The following CDH18 variants were observed in gnomAD, a reference collection of about 807,000 sequenced individuals.
CDH18 encodes cadherin-18.
Under a neutral mutation model 67.9 loss-of-function variants are expected in CDH18, and 31 were observed. The observed-to-expected ratio is 0.46, with a 90% confidence interval of 0.34 to 0.62. The LOEUF (loss-of-function observed/expected upper bound fraction) is 0.62, where lower values mean the gene tolerates loss of function less well. Ranked by LOEUF, CDH18 falls within the 20% of genes least tolerant of loss-of-function variation. The pLI is 0.01. For synonymous variants in CDH18, 362 were observed against 347.2 expected, an observed-to-expected ratio of 1.04 and a Z score of -0.48; for missense variants, 890 against 975.5, an observed-to-expected ratio of 0.91 and a Z score of 1.17.
Position 19,581,985 on chromosome 5 carries a change from AG to A in CDH18, c.999+9071del, listed in dbSNP as rs562781746. 5.9e-5 allele frequency among the ~76,000 whole-genome samples: 9 copies of A among 152,210 alleles called. No homozygotes were observed. The South Asian group carries it at 1.9e-3, about 32-fold the overall frequency. On this transcript the variant is annotated intron_variant, in intron 7 of 12. Coordinates refer to ENST00000382275, the MANE Select transcript of CDH18 (RefSeq NM_004934.5). ...TCATATATTTCTCTATACAGAAGAA[AG>A]TAATTCTTATTCATTGTGTATAATT...
In CDH18 at chr5:20,482,965, C is replaced by T. The variant is rs771245606; in HGVS notation, c.-580+92497G>A. ...GACAAGAGAAAAAAATAAATAGTAT[C>T]CAATTTGGAAAGAAAGGAGTCAAAT... On this transcript the variant is annotated intron_variant, in intron 1 of 14. Coordinates refer to the CDH18 transcript ENST00000507958. Among the ~76,000 whole-genome samples, 14 of 151,866 alleles carry T rather than the reference C, an allele frequency of 9.2e-5. 1 individual carries two copies. Among genetic ancestry groups the T allele is most frequent in the Non-Finnish European group, 2.9e-5 (2 of 67,924 alleles).
chr5:19,517,217 A>T (rs1012531935), intron 10 of CDH18, among the ~76,000 whole-genome samples: 1 of 152,120 alleles, frequency 6.6e-6, no homozygotes, highest in African/African-American at 2.4e-5. Flanking sequence ...AATAGAAATA[A>T]TTTTTAAAAA....
chr5:19,757,213 G>C (rs957972289), intron 3 of CDH18, among the ~76,000 whole-genome samples: 1 of 152,186 alleles, frequency 6.6e-6, no homozygotes, highest in Non-Finnish European at 1.5e-5. Flanking sequence ...GGTAGTCTTG[G>C]CAAAAGCATT....
intron 1 of CDH18, among the ~76,000 whole-genome samples, chr5:20,497,764 A>G (rs1753997649): frequency 6.6e-6 from 1 of 152,180 alleles, no homozygotes. Flanking sequence ...TTGTCTGTCA[A>G]AAAGAGAGTT....
intron 1 of CDH18, among the ~76,000 whole-genome samples, chr5:20,269,232 A>T (rs1036945685): frequency 6.6e-6 from 1 of 151,718 alleles, no homozygotes; most frequent in Non-Finnish European, 1.5e-5. Flanking sequence ...CAAAAACCAG[A>T]TAGTGGTGAA....
chr5:20,442,938 G>A (rs981089418), intron 1 of CDH18, among the ~76,000 whole-genome samples: 4 of 151,614 alleles, frequency 2.6e-5, no homozygotes, highest in African/African-American at 4.9e-5. Context: ...GGCCGGGCGC[G>A]GTGGCTCACG....
intron 2 of CDH18, among the ~76,000 whole-genome samples, chr5:20,177,481 C>G (rs529583082): frequency 1.3e-5 from 2 of 152,164 alleles, no homozygotes; most frequent in East Asian, 3.9e-4. Context: ...ATATTTATAG[C>G]TATTCTTTTT....
chr5:20,311,557 A>G (rs544140201), intron 1 of CDH18, among the ~76,000 whole-genome samples: 1 of 152,252 alleles, frequency 6.6e-6, no homozygotes, highest in East Asian at 1.9e-4. Flanking sequence ...AGAAAACGAA[A>G]AACCACATGT....
intron 8 of CDH18, among the ~76,000 whole-genome samples, chr5:19,546,108 T>A (rs1020701095): frequency 1.3e-5 from 2 of 151,696 alleles, no homozygotes. Context: ...TGTTAGGAGG[T>A]TGATTGAGGT....
At chr5:19,801,595 A>G (rs993816910) in intron 3 of CDH18, among the ~76,000 whole-genome samples, 13 of 152,232 alleles carry the variant, frequency 8.5e-5, no homozygotes, top group African/African-American at 3.1e-4. Context: ...CATCCAAACA[A>G]GGTTGAAAAC....
chr5:20,368,048 G>A (rs1196290891), intron 1 of CDH18, among the ~76,000 whole-genome samples: 2 of 152,066 alleles, frequency 1.3e-5, no homozygotes, highest in Admixed American at 1.3e-4. Flanking sequence ...TGCAAAAAAA[G>A]GATTGAGAAT....
chr5:20,493,481 T>C lies in CDH18; in HGVS notation c.-580+81981A>G, dbSNP rs549696655. On this transcript the variant is annotated intron_variant, in intron 1 of 14. Transcript: ENST00000507958. ...AATGAGAACAAGCACAGGCTATTTA[T>C]TCAGAGCTTGCTATAGGAAGGGAGT... Among the ~76,000 whole-genome samples the C allele has an allele frequency of 4.6e-5, 7 of 151,772 alleles. 1 individual carries two copies. Among genetic ancestry groups the C allele is most frequent in the South Asian group, 4.2e-4 (2 of 4,816 alleles).
Position 19,838,819 on chromosome 5 carries a change from T to C in CDH18, c.168A>G (p.Val56=), listed in dbSNP as rs1475336267. Residue 56 remains valine, a synonymous_variant, in exon 3 of 13, where the codon GTA becomes GTG. Transcript: ENST00000382275. The part of the protein sequence containing the change: ...EVHHRPKRGW[V]WNQFFVLEEH... ...CTTCTAAAACAAAGAACTGATTCCA[T>C]ACCCATCCCCTTTTGGGACGATGAT... The C allele has an allele frequency of 1.9e-6, 3 of 1,614,032 alleles. No individual in the cohort carries two copies. The Admixed American group carries it at 5.0e-5, about 27-fold the overall frequency.
intron 5 of CDH18, among the ~76,000 whole-genome samples, chr5:19,665,856 A>T (rs1358526457): frequency 6.6e-6 from 1 of 151,948 alleles, no homozygotes; most frequent in African/African-American, 2.4e-5. Context: ...AGAACTTTAG[A>T]TTTTTAATAC....
intron 1 of CDH18, among the ~76,000 whole-genome samples, chr5:20,334,193 C>T (rs1287451956): frequency 1.0e-4 from 14 of 135,692 alleles, no homozygotes; most frequent in African/African-American, 3.2e-4. Flanking sequence ...AGTGCAGTGG[C>T]GCAATCTCGG....
chr5:20,069,401 T>C (rs567788765), intron 2 of CDH18, among the ~76,000 whole-genome samples: 1 of 91,096 alleles, frequency 1.1e-5, no homozygotes, highest in Non-Finnish European at 2.3e-5. Context: ...CTCTTTTTTT[T>C]ATTATTTTTA....
intron 1 of CDH18, among the ~76,000 whole-genome samples, chr5:20,360,322 C>T (rs909019359): frequency 4.6e-5 from 7 of 152,002 alleles, no homozygotes; most frequent in African/African-American, 7.2e-5. Context: ...TCCCTCTAGA[C>T]GGATTAAAGA....
chr5:19,761,211 C>A (rs1343151717), intron 3 of CDH18, among the ~76,000 whole-genome samples: 1 of 152,176 alleles, frequency 6.6e-6, no homozygotes, highest in Admixed American at 6.5e-5. Flanking sequence ...AGATAAGAAT[C>A]TCACTCAGGG....
At chr5:19,890,740 G>A (rs531863074) in intron 2 of CDH18, among the ~76,000 whole-genome samples, 4 of 151,874 alleles carry the variant, frequency 2.6e-5, no homozygotes, top group Non-Finnish European at 4.4e-5. Context: ...GATTATAGGC[G>A]CCCACCACTA....
Sources: gnomAD v4.1 joint callset for allele counts (sites outside exome capture counted in the v4.1 genomes callset) on GRCh38, gnomAD v4.1.1 for gene constraint, MANE v1.5 for transcripts, NCBI Gene and HGNC (gene_info 2026-07-23, HGNC 2026-07-21) for gene names.